Variants in UNC13C observed in about 807,000 individuals in gnomAD.
The protein encoded by UNC13C is protein unc-13 homolog C.
A neutral mutation model predicts 245.4 loss-of-function variants in UNC13C; 174 were observed. The observed-to-expected ratio is 0.71, with a 90% CI of 0.63 to 0.80. UNC13C has a LOEUF of 0.80. Among genes scored for constraint, UNC13C ranks in the 30% least tolerant of loss-of-function variants. UNC13C has a pLI of 0.00. For missense variants in UNC13C, 2,829 were observed against 2,602.9 expected (o/e 1.09, Z -1.89); for synonymous variants, 992 against 895.1 (o/e 1.11, Z -1.93).
intron 4 of UNC13C, among the ~76,000 whole-genome samples, chr15:54,178,090 G>A (rs1246497913): frequency 2.0e-5 from 3 of 151,818 alleles, no homozygotes; most frequent in Non-Finnish European, 4.4e-5. Flanking sequence ...TTTCTTTTAA[G>A]CAGGAGAATT....
At chr15:54,590,797 C>A (rs1198779940) in intron 30 of UNC13C, among the ~76,000 whole-genome samples, 1 of 152,104 alleles carries the variant, frequency 6.6e-6, no homozygotes, top group African/African-American at 2.4e-5. Context: ...TTTCTCTTGT[C>A]TGATTGCTCT....
In UNC13C at chr15:54,500,983, G is replaced by T. The variant is rs752633945; in HGVS notation, c.5301+5G>T. On this transcript the variant is annotated splice_donor_5th_base_variant and intron_variant, in intron 22 of 32. Transcript: ENST00000260323. ...TTAATGAGAAGATTTGCAAAGGTAG[G>T]TTAAATAAAATGAGTCTTCTTTTTC... 6.2e-7 allele frequency: 1 copy of T among 1,611,216 alleles called. No individual in the cohort carries two copies. The highest frequency in any genetic ancestry group is 8.5e-7 in the Non-Finnish European group (1 of 1,178,390).
intron 30 of UNC13C, among the ~76,000 whole-genome samples, chr15:54,603,706 A>G (rs1252976920): frequency 6.6e-6 from 1 of 152,134 alleles, no homozygotes; most frequent in Non-Finnish European, 1.5e-5. Context: ...CTACAGAAAA[A>G]TACAAAAATT....
chr15:54,086,263 G>A (rs1050426634), intron 2 of UNC13C, among the ~76,000 whole-genome samples: 1 of 152,066 alleles, frequency 6.6e-6, no homozygotes. Flanking sequence ...CTCTATTTCC[G>A]TGTAGCCACT....
chr15:54,165,360 C>T (rs921324838), intron 4 of UNC13C, among the ~76,000 whole-genome samples: 8 of 152,082 alleles, frequency 5.3e-5, no homozygotes, highest in Non-Finnish European at 1.0e-4. Flanking sequence ...CTGTTATAAG[C>T]GCTATGTGTC....
intron 2 of UNC13C, among the ~76,000 whole-genome samples, chr15:54,016,366 A>T (rs917377392): frequency 2.0e-5 from 3 of 152,190 alleles, no homozygotes; most frequent in Non-Finnish European, 4.4e-5. Flanking sequence ...TCCATTCAAC[A>T]ATTTAGGGGT....
At chr15:54,412,172 C>A (rs750084024) in intron 18 of UNC13C, among the ~76,000 whole-genome samples, 2 of 151,642 alleles carry the variant, frequency 1.3e-5, no homozygotes, top group African/African-American at 4.9e-5. Flanking sequence ...CACAACCGCA[C>A]TCCAGCCTGG....
chr15:54,206,623 A>G (rs1298637970), intron 4 of UNC13C, among the ~76,000 whole-genome samples: 1 of 152,108 alleles, frequency 6.6e-6, no homozygotes, highest in African/African-American at 2.4e-5. Flanking sequence ...AACTAGGATC[A>G]GGTGAAGGAA....
intron 13 of UNC13C, among the ~76,000 whole-genome samples, chr15:54,309,230 T>TATCTGATGA (rs2037806343): frequency 6.6e-6 from 1 of 151,896 alleles, no homozygotes; most frequent in Non-Finnish European, 1.5e-5. Context: ...TTATCGTGGT[T>TATCTGATGA]TTAATTTGCA....
intron 4 of UNC13C, among the ~76,000 whole-genome samples, chr15:54,186,691 G>A (rs1415737154): frequency 1.3e-5 from 2 of 151,882 alleles, no homozygotes; most frequent in African/African-American, 2.4e-5. Flanking sequence ...CTCCATGTAA[G>A]AACAAGTTAA....
At chr15:54,036,043 A>C (rs1896567035) in intron 2 of UNC13C, among the ~76,000 whole-genome samples, 1 of 152,220 alleles carries the variant, frequency 6.6e-6, no homozygotes, top group Admixed American at 6.5e-5. Flanking sequence ...CTGCAAGCCA[A>C]GTTGAGAGGT....
intron 30 of UNC13C, among the ~76,000 whole-genome samples, chr15:54,620,013 T>G (rs1041173795): frequency 7.1e-6 from 1 of 140,658 alleles, no homozygotes; most frequent in African/African-American, 2.5e-5. Context: ...TAACCCACAA[T>G]TGTCAGAAAA....
At chr15:54,320,722 A>G (rs1255875248) in intron 13 of UNC13C, 1 of 382,390 alleles carries the variant, frequency 2.6e-6, no homozygotes, top group Non-Finnish European at 5.0e-6. Flanking sequence ...TCCTGGCAGT[A>G]ATTAAGATCT....
At chr15:54,459,873 A>C (rs912585174) in intron 19 of UNC13C, among the ~76,000 whole-genome samples, 2 of 152,080 alleles carry the variant, frequency 1.3e-5, no homozygotes, top group Admixed American at 1.3e-4. Context: ...AATAACAATC[A>C]AACTTCTGAT....
At chr15:53,918,607 C>T in the UNC13C span, among the ~76,000 whole-genome samples, 469 of 152,290 alleles carry the variant, frequency 3.1e-3, 2 homozygotes, top group African/African-American at 0.011. Context: ...GGACTGTCCC[C>T]GTTCTTGTAG....
chr15:54,606,733 G>A (rs1172244966), intron 30 of UNC13C, among the ~76,000 whole-genome samples: 2 of 152,194 alleles, frequency 1.3e-5, no homozygotes, highest in Admixed American at 1.3e-4. Context: ...TGAGTTAGGA[G>A]CTAAATCTCA....
intron 30 of UNC13C, among the ~76,000 whole-genome samples, chr15:54,602,958 C>T (rs1899525611): frequency 6.6e-6 from 1 of 152,266 alleles, no homozygotes; most frequent in Non-Finnish European, 1.5e-5. Context: ...CAGGTTTCAT[C>T]CTTGAGGCAA....
intron 29 of UNC13C, among the ~76,000 whole-genome samples, chr15:54,558,482 T>C (rs1230883596): frequency 6.6e-6 from 1 of 152,070 alleles, no homozygotes; most frequent in Non-Finnish European, 1.5e-5. Context: ...AAGAGATTAC[T>C]TCTTGCTATA....
At position 54,332,293 on chromosome 15, in the gene UNC13C, TACA is replaced by T. The variant is rs1268640916; in HGVS notation, c.4494+187_4494+189del. Among the ~76,000 whole-genome samples, 7 of 143,124 alleles carry T rather than the reference TACA, an allele frequency of 4.9e-5. No homozygotes were observed. In the South Asian group the frequency reaches 1.1e-3, roughly 23 times the overall value. 93.9% of individuals were successfully genotyped at this position (143,124 alleles called of 152,430 possible). A position where few individuals can be genotyped will look rare whatever the true frequency, so the allele number is the denominator to read the frequency against. ...TTCAGATTCTTTGCCCCACGTAGAC[TACA>T]ACAATACTCTGTGTGTGTGTGTGTG... On this transcript the variant is annotated intron_variant, in intron 15 of 32. Transcript: ENST00000260323.
Sources: allele counts gnomAD v4.1 joint callset (sites outside exome capture counted in the v4.1 genomes callset), GRCh38; gene constraint gnomAD v4.1.1; transcripts MANE v1.5; gene names NCBI Gene and HGNC (gene_info 2026-07-23, HGNC 2026-07-21).